The following RFXAP variants were observed in gnomAD, a reference collection of about 807,000 sequenced individuals.
RFXAP encodes the protein regulatory factor X-associated protein.
RFXAP carries 21 observed loss-of-function variants against 25.7 expected under a neutral mutation model. That is an observed-to-expected ratio of 0.82 (90% CI 0.58 to 1.18). The LOEUF (loss-of-function observed/expected upper bound fraction) is 1.18, where lower values mean the gene tolerates loss of function less well. Among genes scored for constraint, RFXAP ranks in the 50% most tolerant of loss-of-function variants. RFXAP has a pLI of 0.00. For synonymous variants in RFXAP, 161 were observed against 152.2 expected (o/e 1.06, Z -0.43); for missense variants, 333 against 363.0 (o/e 0.92, Z 0.67).
chr13:36,822,682 C>A (rs1051717723), intron 1 of RFXAP, among the ~76,000 whole-genome samples: 1 of 152,152 alleles, frequency 6.6e-6, no homozygotes, highest in African/African-American at 2.4e-5. Flanking sequence ...CACCACTGCA[C>A]CTAGCTTCAC....
At chr13:36,821,006 G>A (rs2057960130) in intron 1 of RFXAP, among the ~76,000 whole-genome samples, 1 of 152,056 alleles carries the variant, frequency 6.6e-6, no homozygotes, top group Non-Finnish European at 1.5e-5. Context: ...TTCTTCTTGT[G>A]AGAGCTATAT....
chr13:36,828,010 T>G lies in RFXAP; in HGVS notation c.*257T>G, dbSNP rs1420411700. On this transcript the variant is annotated 3_prime_UTR_variant, in exon 3 of 3. Transcript: ENST00000255476. ...TAATGTTTTTTAAAAAATATATTCCTCTTCAGTCATTGTTACTGAAGGTAA... is the reference window on the plus strand; with the variant it reads ...TAATGTTTTTTAAAAAATATATTCCGCTTCAGTCATTGTTACTGAAGGTAA... The G allele has an allele frequency of 4.8e-6, 2 of 412,556 alleles. No homozygotes were observed. The highest frequency in any genetic ancestry group is 8.7e-6 in the Non-Finnish European group (2 of 228,910). The allele number at this position is 412,556 out of a possible 1,614,324, so 25.6% of individuals were successfully genotyped here.
rs973645652 is a variant in RFXAP at position 36,819,275 on chromosome 13, T to C, written c.-83T>C. The C allele has an allele frequency of 2.5e-6, 3 of 1,195,042 alleles. No individual in the cohort carries two copies. The South Asian group carries it at 1.3e-4, about 51-fold the overall frequency. 74.0% of individuals were successfully genotyped at this position (1,195,042 alleles called of 1,614,324 possible). The stretch of plus-strand genomic sequence containing the variant: ...AGGCGCCTTTTACCCCAGCGTGTCC[T>C]GAGTCTTTGGTTCGCGAAGTGCCGT... On this transcript the variant is annotated 5_prime_UTR_variant, in exon 1 of 3. Transcript: ENST00000255476.
At position 36,819,523 on chromosome 13, in the gene RFXAP, G is replaced by A. The variant is rs1457463988; in HGVS notation, c.166G>A (p.Asp56Asn). The stretch of plus-strand genomic sequence containing the variant: ...AGTGATGCAACCCTGTGCTGGGCAG[G>A]ACGAGGCTGCGGCCCCCGGGGGCAG... Reference protein sequence around the residue: ...LLVMQPCAGQDEAAAPGGSVG... With the variant: ...LLVMQPCAGQNEAAAPGGSVG... Residue 56 changes from aspartate to asparagine, a missense_variant, in exon 1 of 3, where the codon GAC (aspartate) becomes AAC (asparagine). Transcript: ENST00000255476. 1 of 1,533,532 alleles carries A rather than the reference G, an allele frequency of 6.5e-7. No homozygotes were observed. The highest frequency in any genetic ancestry group is 8.8e-7 in the Non-Finnish European group (1 of 1,138,484). The allele number at this position is 1,533,532 out of a possible 1,614,324, so 95.0% of individuals were successfully genotyped here.
At chr13:36,824,933 A>G (rs2057973294) in intron 1 of RFXAP, among the ~76,000 whole-genome samples, 3 of 152,284 alleles carry the variant, frequency 2.0e-5, no homozygotes, top group South Asian at 2.1e-4. Context: ...TTGGTTGCCA[A>G]CTGGGTAAAA....
At position 36,819,612 on chromosome 13, in the gene RFXAP, T is replaced by C. The variant is rs2057954821; in HGVS notation, c.255T>C (p.Ala85=). ...CEGAGDGEEE[A]GEDEADLLDT... The stretch of plus-strand genomic sequence containing the variant: ...GGGCCGGGGATGGCGAAGAGGAGGC[T>C]GGGGAGGACGAGGCGGACCTGTTAG... The change falls in exon 1 of 3, where the codon GCT becomes GCC. Residue 85 remains alanine (A), a synonymous_variant. Transcript: ENST00000255476. 6.5e-7 allele frequency: 1 copy of C among 1,539,550 alleles called. No individual in the cohort carries two copies. Among genetic ancestry groups the C allele is most frequent in the Non-Finnish European group, 8.8e-7 (1 of 1,139,554 alleles).
intron 1 of RFXAP, among the ~76,000 whole-genome samples, chr13:36,824,051 A>G (rs1395605100): frequency 2.0e-5 from 3 of 152,206 alleles, no homozygotes; most frequent in African/African-American, 7.2e-5. Context: ...AAAGCATTGC[A>G]GGTTTTTGAA....
chr13:36,824,185 G>A (rs1317467105), intron 1 of RFXAP, among the ~76,000 whole-genome samples: 1 of 152,098 alleles, frequency 6.6e-6, no homozygotes, highest in African/African-American at 2.4e-5. Context: ...CCATAGTGGG[G>A]TTGTGAGGGC....
At position 36,819,922 on chromosome 13, in the gene RFXAP, G is replaced by A; in HGVS notation, c.565G>A (p.Ala189Thr). The A allele has an allele frequency of 2.5e-6, 4 of 1,613,870 alleles. No individual in the cohort carries two copies. The highest frequency in any genetic ancestry group is 3.4e-6 in the Non-Finnish European group (4 of 1,179,922). ...CCAGGCCCTGAACTGCGGTGGGACT[G>A]CCTCGACTGGCAGCGCGGGAAACGT... ...SDQALNCGGT[A>T]STGSAGNVKL... is the part of the protein sequence containing the mutation. Residue 189 changes from alanine to threonine, a missense_variant, in exon 1 of 3, where the codon GCC becomes ACC. Coordinates refer to ENST00000255476, the MANE Select transcript of RFXAP (RefSeq NM_000538.4).
chr13:36,825,976 C>G (rs2057976773), intron 2 of RFXAP, among the ~76,000 whole-genome samples: 2 of 151,988 alleles, frequency 1.3e-5, no homozygotes, highest in African/African-American at 2.4e-5. Flanking sequence ...GAATTTGAGA[C>G]CATTCTGGGC....
chr13:36,825,637 A>C, intron 2 of RFXAP, 102 bp downstream of exon 2: 1 of 693,350 alleles, frequency 1.4e-6, no homozygotes, highest in Non-Finnish European at 2.4e-6. Context: ...ACATCACACT[A>C]TACATCAAAA....
chr13:36,819,412 C>T lies in RFXAP; in HGVS notation c.55C>T (p.Pro19Ser), dbSNP rs1483760429. ...GGGGCCGGGCGCCGCCAGCGGCGTG[C>T]CCCACCCCGCGGCCCTAGCCCCGGC... ...GAGPGAASGVPHPAALAPAAA... is the reference protein window; with the variant it reads ...GAGPGAASGVSHPAALAPAAA... Residue 19 changes from proline to serine, a missense_variant, in exon 1 of 3, where the codon CCC becomes TCC. Pro to Ser is a moderately conservative substitution (Grantham distance 74). Coordinates refer to ENST00000255476, the MANE Select transcript of RFXAP (RefSeq NM_000538.4). The T allele has an allele frequency of 4.3e-5, 57 of 1,325,790 alleles. No homozygotes were observed. The highest frequency in any genetic ancestry group is 5.1e-5 in the Non-Finnish European group (53 of 1,044,552). The allele number at this position is 1,325,790 out of a possible 1,614,324, so 82.1% of individuals were successfully genotyped here.
chr13:36,819,849 A>G lies in RFXAP; in HGVS notation c.492A>G (p.Lys164=), dbSNP rs763786632. The change falls in exon 1 of 3, where the codon AAA becomes AAG. Residue 164 remains lysine, a synonymous_variant. Transcript: ENST00000255476. ...AGCGCAAACCGTGGATGTGCAAGAA[A>G]CACCGCAACAAGATGTACAAGGACA... ...AKQRKPWMCK[K]HRNKMYKDKY... The G allele has an allele frequency of 3.7e-6, 6 of 1,608,750 alleles. No homozygotes were observed. The highest frequency in any genetic ancestry group is 1.1e-5 in the South Asian group (1 of 89,926).
At chr13:36,821,694 T>C (rs1476724482) in intron 1 of RFXAP, among the ~76,000 whole-genome samples, 2 of 152,174 alleles carry the variant, frequency 1.3e-5, no homozygotes, top group Non-Finnish European at 2.9e-5. Context: ...TAAATATTTC[T>C]AAAATTTGCA....
chr13:36,823,095 A>G (rs2057968247), intron 1 of RFXAP, among the ~76,000 whole-genome samples: 1 of 152,172 alleles, frequency 6.6e-6, no homozygotes, highest in Non-Finnish European at 1.5e-5. Flanking sequence ...CCCTTCAGCA[A>G]TGGGATAGAT....
rs886050142 is a variant in RFXAP at position 36,825,424 on chromosome 13, C to T, written c.601-4C>T. ...TCTATTTGCATTTTTATCATTTATC[C>T]CAGGAAAGTGCAGATAACATACTCT... On this transcript the variant is annotated splice_polypyrimidine_tract_variant and splice_region_variant and intron_variant, in intron 1 of 2. Coordinates refer to ENST00000255476, the MANE Select transcript of RFXAP (RefSeq NM_000538.4). 1.2e-6 allele frequency: 2 copies of T among 1,601,816 alleles called. No homozygotes were observed. The highest frequency in any genetic ancestry group is 1.7e-6 in the Non-Finnish European group (2 of 1,170,042).
chr13:36,819,370 G>T lies in RFXAP; in HGVS notation c.13G>T (p.Gly5Cys). The T allele has an allele frequency of 7.8e-7, 1 of 1,275,786 alleles. No homozygotes were observed. The highest frequency in any genetic ancestry group is 3.4e-5 in the South Asian group (1 of 29,194). The allele number at this position is 1,275,786 out of a possible 1,614,324, so 79.0% of individuals were successfully genotyped here. The part of the protein sequence containing the change: MEAQ[G>C]VAEGAGPGAA... Reference sequence around the variant, plus strand: ...AGGTCTTAGCAGCATGGAGGCGCAGGGTGTAGCGGAGGGCGCGGGGCCGGG... The same window carrying T: ...AGGTCTTAGCAGCATGGAGGCGCAGTGTGTAGCGGAGGGCGCGGGGCCGGG... Residue 5 changes from glycine (G) to cysteine (C), a missense_variant, in exon 1 of 3, where the codon GGT becomes TGT. Gly to Cys is a radical substitution (Grantham distance 159). Transcript: ENST00000255476.
At chr13:36,823,185 T>C (rs551310992) in intron 1 of RFXAP, among the ~76,000 whole-genome samples, 1 of 152,360 alleles carries the variant, frequency 6.6e-6, no homozygotes, top group East Asian at 1.9e-4. Context: ...GCAAGTATTG[T>C]ACTCAAACGC....
In RFXAP at chr13:36,819,970, G is replaced by A; in HGVS notation, c.600+13G>A. 2 of 1,613,084 alleles carry A rather than the reference G, an allele frequency of 1.2e-6. No individual in the cohort carries two copies. Among genetic ancestry groups the A allele is most frequent in the Non-Finnish European group, 1.7e-6 (2 of 1,179,634 alleles). ...CGTCAAACTCGAGGTATCAGACTTAGCTGAGGCCTGGGGATGGGAGGTGGA... is the reference window on the plus strand; with the variant it reads ...CGTCAAACTCGAGGTATCAGACTTAACTGAGGCCTGGGGATGGGAGGTGGA... On this transcript the variant is annotated intron_variant, in intron 1 of 2. Coordinates refer to ENST00000255476, the MANE Select transcript of RFXAP (RefSeq NM_000538.4).
Sources: gnomAD v4.1 joint callset for allele counts (sites outside exome capture counted in the v4.1 genomes callset) on GRCh38, gnomAD v4.1.1 for gene constraint, MANE v1.5 for transcripts, NCBI Gene and HGNC (gene_info 2026-07-23, HGNC 2026-07-21) for gene names.